Variants in FHIP2B observed in about 807,000 individuals in gnomAD.
FHIP2B encodes the protein FHF complex subunit HOOK-interacting protein 2B.
Under a neutral mutation model 84.0 loss-of-function variants are expected in FHIP2B, and 72 were observed. That is an observed-to-expected ratio of 0.86 (90% CI 0.71 to 1.04). FHIP2B has a LOEUF of 1.04. Among genes scored for constraint, FHIP2B ranks in the 50% least tolerant of loss-of-function variants. FHIP2B has a pLI of 0.00. For synonymous variants in FHIP2B, 497 were observed against 418.7 expected (o/e 1.19, Z -2.28); for missense variants, 972 against 968.9 (o/e 1.00, Z -0.04).
chr8:22,100,141 T>TCACTG (rs1230344596), intron 10 of FHIP2B: 2 of 475,824 alleles, frequency 4.2e-6, no homozygotes, highest in Non-Finnish European at 7.3e-6. Flanking sequence ...TGATCATAAC[T>TCACTG]CACTGCAGTC....
intron 1 of FHIP2B, among the ~76,000 whole-genome samples, chr8:22,092,316 A>G (rs959870677): frequency 1.3e-5 from 2 of 152,224 alleles, no homozygotes; most frequent in Admixed American, 1.3e-4. Context: ...GTGGTGGCTC[A>G]TGCCTGTAAT....
Position 22,098,067 on chromosome 8 carries a change from G to T in FHIP2B, c.526-1G>T. ...CTGGCCTCATCTCACCCTCTTTTCA[G>T]GGTAAAAAGATTGTAGGTAGGAAGA... On this transcript the variant is annotated splice_acceptor_variant, in intron 5 of 16. Transcript: ENST00000289921. LOFTEE classifies it high-confidence loss of function. 1 of 1,590,676 alleles carries T rather than the reference G, an allele frequency of 6.3e-7. No individual in the cohort carries two copies. Among genetic ancestry groups the T allele is most frequent in the South Asian group, 1.1e-5 (1 of 87,726 alleles).
chr8:22,100,335 C>T (rs1826035308), intron 10 of FHIP2B: 3 of 431,816 alleles, frequency 6.9e-6, no homozygotes, highest in South Asian at 6.2e-5. Flanking sequence ...ATTTCTCAGA[C>T]ATGGAAAGTA....
Position 22,099,056 on chromosome 8 carries a change from G to A in FHIP2B, c.1074G>A (p.Thr358=), listed in dbSNP as rs1413613904. ...ACCACCTCATCACAGAGGCACACAC[G>A]GTGAGCAGGGGCGGGCGGAGGCCGG... ...YCDHLITEAH[T]VVADALAKAV... The change falls in exon 8 of 17, where the codon ACG becomes ACA. Residue 358 remains threonine (T), a splice_region_variant and synonymous_variant. Transcript: ENST00000289921. 2.0e-5 allele frequency: 32 copies of A among 1,594,710 alleles called. No homozygotes were observed. Among genetic ancestry groups the A allele is most frequent in the Non-Finnish European group, 2.5e-5 (29 of 1,169,830 alleles).
In FHIP2B at chr8:22,094,409, C is replaced by T. The variant is rs375019626; in HGVS notation, c.46-31C>T. 20 of 1,566,866 alleles carry T rather than the reference C, an allele frequency of 1.3e-5. No individual in the cohort carries two copies. In the African/African-American group the frequency reaches 2.6e-4, roughly 21 times the overall value. On this transcript the variant is annotated intron_variant, in intron 1 of 16. Coordinates refer to ENST00000289921, the MANE Select transcript of FHIP2B (RefSeq NM_022749.7). Reference sequence around the variant, plus strand: ...CAGGGGCTCCCTGGCCTTTGTGGCCCCCACTGAGGTTGTGTGTCTGCCCTC... The same window carrying T: ...CAGGGGCTCCCTGGCCTTTGTGGCCTCCACTGAGGTTGTGTGTCTGCCCTC...
chr8:22,099,606 C>A, intron 9 of FHIP2B, 98 bp from the exon 10 acceptor site: 1 of 1,380,140 alleles, frequency 7.2e-7, no homozygotes, highest in Non-Finnish European at 9.8e-7. Flanking sequence ...CACAGACATA[C>A]CAGCCAAACA....
intron 14 of FHIP2B, 138 bp from the exon 15 acceptor site, chr8:22,102,037 T>C (rs1319391116): frequency 6.5e-7 from 1 of 1,541,936 alleles, no homozygotes; most frequent in South Asian, 1.2e-5. Context: ...CTCAGCCCCA[T>C]GGAATCCATG....
intron 7 of FHIP2B, 90 bp from the exon 8 acceptor site, chr8:22,098,858 A>C: frequency 8.6e-7 from 1 of 1,164,994 alleles, no homozygotes; most frequent in Non-Finnish European, 1.2e-6. Context: ...GTTCCACAGG[A>C]GAGGGGAAGG....
intron 1 of FHIP2B, among the ~76,000 whole-genome samples, chr8:22,091,042 C>T (rs1825464163): frequency 6.6e-6 from 1 of 152,094 alleles, no homozygotes; most frequent in Admixed American, 6.6e-5. Flanking sequence ...ACCATATAGG[C>T]TATGTCCGGG....
At chr8:22,089,754 C>T in intron 1 of FHIP2B, 1 of 1,270,538 alleles carries the variant, frequency 7.9e-7, no homozygotes, top group Non-Finnish European at 1.0e-6. Flanking sequence ...TCGGTCTGAT[C>T]TCCCAGACAA....
chr8:22,102,292 A>G lies in FHIP2B; in HGVS notation c.1969A>G (p.Ser657Gly), dbSNP rs1826166478. 1 of 1,612,434 alleles carries G rather than the reference A, an allele frequency of 6.2e-7. No homozygotes were observed. Among genetic ancestry groups the G allele is most frequent in the South Asian group, 1.1e-5 (1 of 91,066 alleles). Reference protein sequence around the residue: ...PYISLAPGCRSLFSVLVRVIG... With the variant: ...PYISLAPGCRGLFSVLVRVIG... ...CATCAGCCTGGCCCCCGGCTGCAGG[A>G]GCCTATTCTCCGTGTTGGTGAGGGT... Residue 657 changes from serine to glycine, a missense_variant, in exon 15 of 17, where the codon AGC becomes GGC. Ser to Gly is a moderately conservative substitution (Grantham distance 56). Transcript: ENST00000289921.
chr8:22,095,727 C>T (rs1301361947), intron 2 of FHIP2B: 2 of 152,276 alleles, frequency 1.3e-5, no homozygotes, highest in Non-Finnish European at 2.9e-5. Flanking sequence ...CCCTGAAGCA[C>T]CAGAACTTTC....
chr8:22,099,296 G>A lies in FHIP2B; in HGVS notation c.1087G>A (p.Ala363Thr), dbSNP rs773569831. The A allele has an allele frequency of 3.7e-5, 60 of 1,613,604 alleles. No individual in the cohort carries two copies. The highest frequency in any genetic ancestry group is 6.7e-5 in the East Asian group (3 of 44,898). The change falls in exon 9 of 17, where the codon GCC (alanine) becomes ACC (threonine). Residue 363 changes from alanine (A) to threonine (T), a missense_variant. By Grantham distance (58) the Ala-to-Thr change is moderately conservative. Coordinates refer to ENST00000289921, the MANE Select transcript of FHIP2B (RefSeq NM_022749.7). ...CTCTGGCACCCAGGTGGTTGCGGAC[G>A]CCTTGGCGAAGGCTGTGGCTGAGAA... The part of the protein sequence containing the change: ...ITEAHTVVAD[A>T]LAKAVAENFF...
chr8:22,099,750 C>G lies in FHIP2B; in HGVS notation c.1198C>G (p.Leu400Val). ...LTSTALLTAM[L>V]RQLRSPALLR... ...CTCCACCGCCCTCCTCACAGCCATG[C>G]TGCGCCAGCTTCGCTCCCCTGCGCT... is the stretch of plus-strand genomic sequence containing the variant. The change falls in exon 10 of 17, where the codon CTG becomes GTG. Residue 400 changes from leucine (L) to valine (V), a missense_variant. By Grantham distance (32) the Leu-to-Val change is conservative (BLOSUM62 1). Coordinates refer to ENST00000289921, the MANE Select transcript of FHIP2B (RefSeq NM_022749.7). 10 of 1,606,950 alleles carry G rather than the reference C, an allele frequency of 6.2e-6. No homozygotes were observed. Among genetic ancestry groups the G allele is most frequent in the Non-Finnish European group, 8.5e-6 (10 of 1,178,488 alleles).
Position 22,101,443 on chromosome 8 carries a change from C to G in FHIP2B, c.1620C>G (p.Phe540Leu), listed in dbSNP as rs775394872. ...KTAVTEIVNS[F>L]LCLVPEEAKT... Reference sequence around the variant, plus strand: ...CACACCGGCTTCTATCTCTCAGTTTCCTGTGCCTGGTCCCCGAGGAAGCCA... The same window carrying G: ...CACACCGGCTTCTATCTCTCAGTTTGCTGTGCCTGGTCCCCGAGGAAGCCA... The change falls in exon 13 of 17, where the codon TTC becomes TTG. Residue 540 changes from phenylalanine (F) to leucine (L), a missense_variant. Coordinates refer to ENST00000289921, the MANE Select transcript of FHIP2B (RefSeq NM_022749.7). 2.0e-5 allele frequency: 32 copies of G among 1,608,128 alleles called. No homozygotes were observed. Among genetic ancestry groups the G allele is most frequent in the Non-Finnish European group, 2.7e-5 (32 of 1,177,080 alleles).
intron 1 of FHIP2B, among the ~76,000 whole-genome samples, chr8:22,090,862 C>T (rs1388251796): frequency 6.6e-6 from 1 of 152,012 alleles, no homozygotes; most frequent in African/African-American, 2.4e-5. Flanking sequence ...TGGCCTCAAG[C>T]GATCCTTAGC....
At chr8:22,094,549 C>T (rs759661056) in intron 2 of FHIP2B, 31 bp downstream of exon 2, 4 of 1,607,904 alleles carry the variant, frequency 2.5e-6, no homozygotes, top group Non-Finnish European at 3.4e-6. Flanking sequence ...GCCCAGGGAC[C>T]CTGGAGGGAG....
In FHIP2B at chr8:22,100,660, A is replaced by G; in HGVS notation, c.1408A>G (p.Ser470Gly). Residue 470 changes from serine (S) to glycine (G), a missense_variant, in exon 11 of 17, where the codon AGC becomes GGC. Physicochemically the swap from Ser to Gly is moderately conservative, Grantham distance 56. Transcript: ENST00000289921. Reference protein sequence around the residue: ...LQKPHEGIIHSLVLRNLEGRP... With the variant: ...LQKPHEGIIHGLVLRNLEGRP... ...GAAGCCCCACGAGGGGATCATCCAC[A>G]GCCTGGTCCTGCGCAACCTTGAGGG... The G allele has an allele frequency of 6.2e-7, 1 of 1,605,580 alleles. No homozygotes were observed.
rs1057022567 is a variant in FHIP2B, at chr8:22,102,600, C to T, written c.2065C>T (p.Gln689Ter). 1.9e-6 allele frequency: 3 copies of T among 1,563,636 alleles called. No homozygotes were observed. The African/African-American group carries it at 4.1e-5, about 21-fold the overall frequency. The change falls in exon 16 of 17, where the codon CAG becomes TAG. Residue 689 changes from glutamine to a stop codon, truncating the protein, a stop_gained. Coordinates refer to ENST00000289921, the MANE Select transcript of FHIP2B (RefSeq NM_022749.7). LOFTEE classifies it high-confidence loss of function. ...AGGCAAGCTGCTCCTGGTGCGCAAG[C>T]AGTTGACGGGCCAGGCTCCTGGGGA... The part of the protein sequence containing the change: ...FPGKLLLVRK[Q>*]LTGQAPGEQL...
Sources: gnomAD v4.1 joint callset for allele counts (sites outside exome capture counted in the v4.1 genomes callset) on GRCh38, gnomAD v4.1.1 for gene constraint, MANE v1.5 for transcripts, NCBI Gene and HGNC (gene_info 2026-07-23, HGNC 2026-07-21) for gene names.